Variants in ARK2N observed in about 807,000 individuals in gnomAD.
ARK2N encodes the protein arkadia (RNF111) N-terminal like PKA signaling regulator 2N.
chr18:46,182,646 T>A, the ARK2N span, among the ~76,000 whole-genome samples: 2 of 151,354 alleles, frequency 1.3e-5, no homozygotes, highest in African/African-American at 4.9e-5. Flanking sequence ...ACACTGATGA[T>A]GCTTTTGAGT....
the ARK2N span, among the ~76,000 whole-genome samples, chr18:46,188,395 T>A: frequency 6.6e-6 from 1 of 152,252 alleles, no homozygotes; most frequent in African/African-American, 2.4e-5. Flanking sequence ...GAGATGGGGT[T>A]TCACCATGTT....
the ARK2N span, chr18:46,232,421 G>T: frequency 6.6e-6 from 1 of 152,138 alleles, no homozygotes; most frequent in African/African-American, 2.4e-5. Flanking sequence ...TTTGTGGAAT[G>T]CCACATGTCA....
chr18:46,261,542 A>C, the ARK2N span, among the ~76,000 whole-genome samples: 1 of 152,362 alleles, frequency 6.6e-6, no homozygotes, highest in Middle Eastern at 3.4e-3. Context: ...CCATGACTAC[A>C]TGGTCACTTA....
the ARK2N span, among the ~76,000 whole-genome samples, chr18:46,256,091 C>G: frequency 6.6e-6 from 1 of 152,180 alleles, no homozygotes; most frequent in African/African-American, 2.4e-5. Context: ...TGCCCATTGA[C>G]AGGTCAGTGT....
chr18:46,220,997 G>A, the ARK2N span, among the ~76,000 whole-genome samples: 1 of 151,972 alleles, frequency 6.6e-6, no homozygotes, highest in East Asian at 1.9e-4. Flanking sequence ...TTAGCCAGGT[G>A]TAGCAGCATG....
the ARK2N span, among the ~76,000 whole-genome samples, chr18:46,259,033 G>A: frequency 6.6e-6 from 1 of 151,764 alleles, no homozygotes; most frequent in African/African-American, 2.4e-5. Context: ...AAAAAAATGT[G>A]TTAAAAGCCT....
chr18:46,177,625 A>C, the ARK2N span, among the ~76,000 whole-genome samples: 1 of 151,528 alleles, frequency 6.6e-6, no homozygotes, highest in Non-Finnish European at 1.5e-5. Flanking sequence ...ATGTGGTTTC[A>C]CCATGTTGGC....
the ARK2N span, among the ~76,000 whole-genome samples, chr18:46,233,116 G>A: frequency 2.0e-5 from 3 of 151,698 alleles, no homozygotes; most frequent in Non-Finnish European, 4.4e-5. Flanking sequence ...TTTGGTAATT[G>A]AAAAAAAGAA....
the ARK2N span, among the ~76,000 whole-genome samples, chr18:46,189,687 A>G: frequency 6.6e-6 from 1 of 152,128 alleles, no homozygotes; most frequent in Non-Finnish European, 1.5e-5. Context: ...TCTGGGCAAC[A>G]TAGTGAAATC....
the ARK2N span, among the ~76,000 whole-genome samples, chr18:46,182,554 G>T: frequency 0.029 from 4,345 of 151,746 alleles, 193 homozygotes; most frequent in African/African-American, 0.099. Flanking sequence ...GACCAGCCGG[G>T]GCAACAAAGT....
the ARK2N span, among the ~76,000 whole-genome samples, chr18:46,198,033 G>A: frequency 6.6e-6 from 1 of 152,146 alleles, no homozygotes; most frequent in East Asian, 1.9e-4. Flanking sequence ...CAGGTGTGGT[G>A]GCTCACGCCT....
At chr18:46,265,244 G>A in the ARK2N span, 16 of 152,642 alleles carry the variant, frequency 1.0e-4, no homozygotes, top group African/African-American at 3.6e-4. Context: ...TGAAGTTTTT[G>A]CAGCTTATTT....
At chr18:46,175,158 T>C in the ARK2N span, among the ~76,000 whole-genome samples, 5 of 135,746 alleles carry the variant, frequency 3.7e-5, no homozygotes, top group Non-Finnish European at 7.8e-5. Context: ...ATCACAAAAT[T>C]GATGCTCACA....
the ARK2N span, chr18:46,231,762 G>GT: frequency 2.2e-3 from 310 of 139,686 alleles, 1 homozygote; most frequent in African/African-American, 7.1e-3. Context: ...TTTGTTTTTT[G>GT]TTTTTTTTTG....
the ARK2N span, among the ~76,000 whole-genome samples, chr18:46,199,617 T>G: frequency 6.6e-6 from 1 of 152,022 alleles, no homozygotes; most frequent in East Asian, 1.9e-4. Flanking sequence ...TCCTGTGTCT[T>G]TCTTGTAAGG....
chr18:46,215,244 G>A, the ARK2N span, among the ~76,000 whole-genome samples: 1 of 152,030 alleles, frequency 6.6e-6, no homozygotes, highest in Non-Finnish European at 1.5e-5. Context: ...GCTTGAGCCA[G>A]GGCAACGGAG....
the ARK2N span, among the ~76,000 whole-genome samples, chr18:46,195,266 CTT>C: frequency 1.9e-3 from 178 of 94,450 alleles, no homozygotes; most frequent in East Asian, 2.9e-3. Flanking sequence ...TTTATTTAAC[CTT>C]TTTTTTTTTT....
At chr18:46,257,116 T>G in the ARK2N span, among the ~76,000 whole-genome samples, 1 of 152,238 alleles carries the variant, frequency 6.6e-6, no homozygotes, top group Non-Finnish European at 1.5e-5. Context: ...ATGTTTTGTT[T>G]GGATTTAGTT....
the ARK2N span, among the ~76,000 whole-genome samples, chr18:46,225,294 A>G: frequency 1.3e-5 from 2 of 152,262 alleles, no homozygotes; most frequent in Admixed American, 6.5e-5. Flanking sequence ...AGTATGTCAG[A>G]GTTCCCAAAG....
Sources: gnomAD v4.1 joint callset for allele counts (sites outside exome capture counted in the v4.1 genomes callset) on GRCh38, gnomAD v4.1.1 for gene constraint, MANE v1.5 for transcripts, NCBI Gene and HGNC (gene_info 2026-07-23, HGNC 2026-07-21) for gene names.